The following CCDC171 variants were observed in gnomAD, a reference collection of about 807,000 sequenced individuals.
The protein encoded by CCDC171 is coiled-coil domain containing 171.
A neutral mutation model predicts 168.2 loss-of-function variants in CCDC171; 177 were observed. The ratio of observed to expected loss-of-function variants is 1.05; its 90% CI spans 0.93 to 1.19. CCDC171 has a LOEUF of 1.19. CCDC171 is among the 50% of genes most tolerant of loss of function. The pLI is 0.00. For missense variants in CCDC171, 1,991 were observed against 1,539.0 expected, an observed-to-expected ratio of 1.29 and a Z score of -4.91; for synonymous variants, 687 against 540.8, an observed-to-expected ratio of 1.27 and a Z score of -3.75.
At chr9:15,815,312 T>TAACCAAAACACCATGG (rs1307245206) in intron 21 of CCDC171, among the ~76,000 whole-genome samples, 4 of 49,376 alleles carry the variant, frequency 8.1e-5, no homozygotes, top group African/African-American at 2.3e-4. Flanking sequence ...ACTCTGTGCT[T>TAACCAAAACACCATGG]TATTGTTCTC....
intron 7 of CCDC171, among the ~76,000 whole-genome samples, chr9:15,629,810 C>G (rs977514133): frequency 3.1e-4 from 47 of 152,328 alleles, no homozygotes; most frequent in Non-Finnish European, 4.4e-4. Flanking sequence ...GGAAGCCCAT[C>G]AGACTAACAG....
At chr9:16,056,090 G>GAAACA (rs1564138077) in intron 1 of CCDC171, among the ~76,000 whole-genome samples, 4 of 152,174 alleles carry the variant, frequency 2.6e-5, no homozygotes, top group Non-Finnish European at 2.9e-5. Flanking sequence ...TAATCTAAAC[G>GAAACA]AAACAAAACA....
chr9:16,029,801 A>C (rs1343230682), intron 6 of CCDC171, among the ~76,000 whole-genome samples: 1 of 152,224 alleles, frequency 6.6e-6, no homozygotes, highest in African/African-American at 2.4e-5. Context: ...CTGAGGTTTC[A>C]ATGACTGAGG....
intron 24 of CCDC171, chr9:15,876,047 T>A (rs1387285981): frequency 2.0e-5 from 3 of 152,028 alleles, no homozygotes; most frequent in Non-Finnish European, 4.4e-5. Flanking sequence ...AGGCTTAGTA[T>A]TTGTCGTAAT....
At chr9:15,961,010 C>A (rs1018704167) in intron 25 of CCDC171, among the ~76,000 whole-genome samples, 9 of 150,430 alleles carry the variant, frequency 6.0e-5, no homozygotes, top group Non-Finnish European at 1.0e-4. Flanking sequence ...AAGGGAGGGG[C>A]ATGCAAAAAA....
rs139910823 is a variant in CCDC171, at chr9:15,734,300, C to T, written c.2049+4502C>T. Among the ~76,000 whole-genome samples the T allele has an allele frequency of 1.2e-3, 176 of 152,250 alleles. 1 individual carries two copies. Among genetic ancestry groups the T allele is most frequent in the Admixed American group, 3.9e-3 (60 of 15,296 alleles). On this transcript the variant is annotated intron_variant, in intron 16 of 25. Coordinates refer to ENST00000380701, the MANE Select transcript of CCDC171 (RefSeq NM_173550.4). ...CCTGTAATCCCAGCACTTTGGGAGG[C>T]CGAGGCAAGTGGATCACCTTGAGGT... is the stretch of plus-strand genomic sequence containing the variant.
chr9:15,604,433 G>A (rs2043077746), intron 6 of CCDC171, among the ~76,000 whole-genome samples: 2 of 152,120 alleles, frequency 1.3e-5, no homozygotes, highest in African/African-American at 4.8e-5. Context: ...TACTTTATCA[G>A]TGGGATTGAA....
chr9:15,665,746 A>G (rs1322860779), intron 8 of CCDC171, among the ~76,000 whole-genome samples: 2 of 152,254 alleles, frequency 1.3e-5, no homozygotes, highest in South Asian at 4.1e-4. Context: ...ACACTACTGC[A>G]CTTCAGCCTG....
At chr9:15,804,273 T>C (rs1005071753) in intron 21 of CCDC171, among the ~76,000 whole-genome samples, 7 of 152,130 alleles carry the variant, frequency 4.6e-5, no homozygotes, top group African/African-American at 1.7e-4. Context: ...CTATGTTGAA[T>C]AGGAGTGGTG....
chr9:15,866,465 A>T (rs191373015), intron 23 of CCDC171, among the ~76,000 whole-genome samples: 2 of 152,148 alleles, frequency 1.3e-5, no homozygotes, highest in African/African-American at 4.8e-5. Flanking sequence ...AGAAAGAGGC[A>T]GGGGAGGATG....
At chr9:15,922,063 C>T (rs1825397255) in intron 25 of CCDC171, 2 of 244,332 alleles carry the variant, frequency 8.2e-6, no homozygotes, top group African/African-American at 4.4e-5. Flanking sequence ...CACAATCATA[C>T]CAAAACTCTA....
rs142794391 is a variant in CCDC171 at position 16,025,911 on chromosome 9, G to A, written n.998+3003G>A. Among the ~76,000 whole-genome samples, 31 of 152,272 alleles carry A rather than the reference G, an allele frequency of 2.0e-4. 1 individual carries two copies. The highest frequency in any genetic ancestry group is 5.3e-4 in the African/African-American group (22 of 41,570). ...GAATGCACTAAAAGCCACTAATTGC[G>A]CATGCTGAAATAGTGAATTTTGTGT... On this transcript the variant is annotated intron_variant and non_coding_transcript_variant, in intron 6 of 9. Coordinates refer to the CCDC171 transcript ENST00000486641.
intron 1 of CCDC171, among the ~76,000 whole-genome samples, chr9:16,055,316 G>C (rs1298779590): frequency 6.6e-6 from 1 of 152,116 alleles, no homozygotes; most frequent in Non-Finnish European, 1.5e-5. Context: ...AGAGAGTTCA[G>C]GAGGCAGAGA....
chr9:15,601,455 C>G (rs1301137440), intron 6 of CCDC171, among the ~76,000 whole-genome samples: 1 of 152,198 alleles, frequency 6.6e-6, no homozygotes. Flanking sequence ...GACAGTACAA[C>G]CACGCTTTAG....
chr9:15,623,475 G>GCGCGCGCGCGCGCACACACA, intron 7 of CCDC171, 62 bp downstream of exon 7: 317 of 315,436 alleles, frequency 1.0e-3, no homozygotes, highest in African/African-American at 2.0e-3. Flanking sequence ...GCGCGCGCGC[G>GCGCGCGCGCGCGCACACACA]CACACACACA....
chr9:15,788,609 G>C (rs1401232088), intron 21 of CCDC171, among the ~76,000 whole-genome samples: 1 of 149,990 alleles, frequency 6.7e-6, no homozygotes, highest in Non-Finnish European at 1.5e-5. Context: ...TTTAAAGACA[G>C]GGCCTCACTC....
intron 9 of CCDC171, among the ~76,000 whole-genome samples, chr9:15,669,732 T>A (rs552163143): frequency 6.6e-6 from 1 of 152,256 alleles, no homozygotes; most frequent in Non-Finnish European, 1.5e-5. Flanking sequence ...TGAAACATCA[T>A]TAGTCAAATA....
intron 21 of CCDC171, among the ~76,000 whole-genome samples, chr9:15,807,942 G>GT (rs572759756): frequency 2.0e-5 from 3 of 151,306 alleles, no homozygotes; most frequent in Non-Finnish European, 4.4e-5. Flanking sequence ...CTCTTATTAG[G>GT]TTTTTTTGCC....
At chr9:16,005,874 T>G (rs1407767731) in intron 3 of CCDC171, among the ~76,000 whole-genome samples, 1 of 152,128 alleles carries the variant, frequency 6.6e-6, no homozygotes, top group Non-Finnish European at 1.5e-5. Context: ...GGTAACTTTA[T>G]GTTTAACCAT....
Sources: gnomAD v4.1 joint callset for allele counts (sites outside exome capture counted in the v4.1 genomes callset) on GRCh38, gnomAD v4.1.1 for gene constraint, MANE v1.5 for transcripts, NCBI Gene and HGNC (gene_info 2026-07-23, HGNC 2026-07-21) for gene names.